The following KCNQ5 variants were observed in gnomAD, a reference collection of about 807,000 sequenced individuals.
KCNQ5 encodes the protein potassium voltage-gated channel subfamily Q member 5, also known as potassium voltage-gated channel subfamily KQT member 5.
Under a neutral mutation model 98.2 loss-of-function variants are expected in KCNQ5, and 30 were observed. The ratio of observed to expected loss-of-function variants is 0.31; its 90% confidence interval spans 0.23 to 0.41. The LOEUF is 0.41. KCNQ5 is among the 10% of genes least tolerant of loss of function. The pLI, the probability that KCNQ5 is intolerant of heterozygous loss-of-function variation, is 1.00. For synonymous variants in KCNQ5, 458 were observed against 449.4 expected (o/e 1.02, Z -0.24); for missense variants, 835 against 1,182.5 (o/e 0.71, Z 4.31).
intron 10 of KCNQ5, among the ~76,000 whole-genome samples, chr6:73,166,600 G>A (rs966705393): frequency 1.3e-5 from 2 of 151,816 alleles, no homozygotes; most frequent in African/African-American, 2.4e-5. Flanking sequence ...TTTCCCAGCT[G>A]TATTCATTTC....
chr6:73,183,905 GTGATTTTTGGAAGCAC>G (rs1416635911), intron 11 of KCNQ5, among the ~76,000 whole-genome samples: 3 of 152,164 alleles, frequency 2.0e-5, no homozygotes, highest in Admixed American at 2.0e-4. Flanking sequence ...ACAGGCACAC[GTGATTTTTGGAAGCAC>G]TGATAGCAAT....
At chr6:72,732,804 G>C (rs1770623856) in intron 1 of KCNQ5, among the ~76,000 whole-genome samples, 1 of 152,134 alleles carries the variant, frequency 6.6e-6, no homozygotes, top group Non-Finnish European at 1.5e-5. Context: ...AATGATGAGA[G>C]CTTAAACAAA....
chr6:72,771,500 T>TA (rs926781302), intron 1 of KCNQ5, among the ~76,000 whole-genome samples: 5 of 152,064 alleles, frequency 3.3e-5, no homozygotes, highest in African/African-American at 7.2e-5. Flanking sequence ...GATATGAAGT[T>TA]ATAGTTCATT....
At chr6:73,123,867 C>T (rs981972120) in intron 8 of KCNQ5, among the ~76,000 whole-genome samples, 1 of 152,110 alleles carries the variant, frequency 6.6e-6, no homozygotes, top group Non-Finnish European at 1.5e-5. Context: ...AGGTGCCTGC[C>T]CAAAGGCACA....
intron 1 of KCNQ5, among the ~76,000 whole-genome samples, chr6:72,679,258 A>G (rs1160259672): frequency 6.6e-6 from 1 of 152,186 alleles, no homozygotes; most frequent in Non-Finnish European, 1.5e-5. Context: ...ATGCTGCTAT[A>G]AAGACACATG....
intron 1 of KCNQ5, among the ~76,000 whole-genome samples, chr6:72,721,733 G>T (rs1249230613): frequency 6.6e-6 from 1 of 152,138 alleles, no homozygotes; most frequent in African/African-American, 2.4e-5. Flanking sequence ...TGAAACTCCA[G>T]ATTACTTGAC....
At chr6:73,088,011 C>T (rs999676826) in intron 5 of KCNQ5, among the ~76,000 whole-genome samples, 2 of 101,650 alleles carry the variant, frequency 2.0e-5, no homozygotes, top group African/African-American at 2.8e-5. Flanking sequence ...TTTTCTTTTT[C>T]TCTCTCTCTC....
chr6:72,708,932 A>C (rs1769223472), intron 1 of KCNQ5, among the ~76,000 whole-genome samples: 1 of 152,202 alleles, frequency 6.6e-6, no homozygotes, highest in Admixed American at 6.5e-5. Context: ...GGTTCCTACC[A>C]TGATATGGTG....
chr6:73,065,869 G>T (rs945782212), intron 3 of KCNQ5, among the ~76,000 whole-genome samples: 1 of 152,206 alleles, frequency 6.6e-6, no homozygotes, highest in Non-Finnish European at 1.5e-5. Context: ...AAAAACGGCC[G>T]GGCTCAGTGG....
At chr6:72,666,263 G>A (rs1001669527) in intron 1 of KCNQ5, among the ~76,000 whole-genome samples, 28 of 152,132 alleles carry the variant, frequency 1.8e-4, no homozygotes, top group Admixed American at 2.0e-4. Flanking sequence ...GGACTTTAAT[G>A]TTATAATTTA....
At chr6:72,760,383 G>C (rs1461886131) in intron 1 of KCNQ5, among the ~76,000 whole-genome samples, 1 of 151,924 alleles carries the variant, frequency 6.6e-6, no homozygotes, top group Non-Finnish European at 1.5e-5. Context: ...AGAGCCAGTG[G>C]CTTGGCTTTT....
At chr6:72,748,339 G>C (rs971367955) in intron 1 of KCNQ5, among the ~76,000 whole-genome samples, 1 of 152,036 alleles carries the variant, frequency 6.6e-6, no homozygotes, top group Non-Finnish European at 1.5e-5. Context: ...ACTGTGCCCT[G>C]GGTTCTTTTT....
At chr6:72,684,535 G>A (rs1217661414) in intron 1 of KCNQ5, among the ~76,000 whole-genome samples, 1 of 152,162 alleles carries the variant, frequency 6.6e-6, no homozygotes, top group African/African-American at 2.4e-5. Context: ...CCTTGATATT[G>A]ATTATTACAC....
chr6:72,963,178 A>G (rs1279270726), intron 1 of KCNQ5, among the ~76,000 whole-genome samples: 1 of 152,242 alleles, frequency 6.6e-6, no homozygotes, highest in Non-Finnish European at 1.5e-5. Flanking sequence ...GGCAGTGATA[A>G]GAGTTTAAAC....
intron 5 of KCNQ5, among the ~76,000 whole-genome samples, chr6:73,093,575 G>A (rs1774345060): frequency 6.6e-6 from 1 of 152,034 alleles, no homozygotes; most frequent in Non-Finnish European, 1.5e-5. Context: ...CATCGCCTTT[G>A]CTGTGTCCCA....
intron 2 of KCNQ5, among the ~76,000 whole-genome samples, chr6:73,034,683 G>T (rs59086608): frequency 0.011 from 1,681 of 152,220 alleles, 36 homozygotes; most frequent in African/African-American, 0.037. Context: ...AAATGGTACA[G>T]CAGAGTTATA....
chr6:72,847,199 C>T (rs980626200), intron 1 of KCNQ5, among the ~76,000 whole-genome samples: 17 of 152,108 alleles, frequency 1.1e-4, no homozygotes, highest in Admixed American at 9.8e-4. Context: ...GAGTTTCACT[C>T]TTATTGCCCA....
chr6:72,743,070 C>A (rs1234065030), intron 1 of KCNQ5, among the ~76,000 whole-genome samples: 1 of 152,086 alleles, frequency 6.6e-6, no homozygotes, highest in Non-Finnish European at 1.5e-5. Flanking sequence ...AGTCTAGCTT[C>A]TGCAAAAAAT....
At chr6:73,123,046 A>G (rs1266862928) in intron 8 of KCNQ5, among the ~76,000 whole-genome samples, 1 of 152,052 alleles carries the variant, frequency 6.6e-6, no homozygotes, top group African/African-American at 2.4e-5. Flanking sequence ...TCAGTCATGT[A>G]TGCATTCAAC....
Sources: allele counts gnomAD v4.1 joint callset (sites outside exome capture counted in the v4.1 genomes callset), GRCh38; gene constraint gnomAD v4.1.1; transcripts MANE v1.5; gene names NCBI Gene and HGNC (gene_info 2026-07-23, HGNC 2026-07-21).